Variants in LMO7 observed in about 807,000 individuals in gnomAD.
LMO7 encodes LIM domain 7.
In LMO7, 120 loss-of-function variants were observed where a neutral mutation model predicts 206.5. That is an observed-to-expected ratio of 0.58 (90% CI 0.50 to 0.68). The LOEUF is 0.68. Ranked by LOEUF, LMO7 falls within the 30% of genes least tolerant of loss-of-function variation. The pLI is 0.00. For missense variants in LMO7, 1,959 were observed against 1,957.9 expected (o/e 1.00, Z -0.01); for synonymous variants, 706 against 681.5 (o/e 1.04, Z -0.56).
At chr13:75,658,637 G>A (rs1419223871) in intron 1 of LMO7, among the ~76,000 whole-genome samples, 1 of 152,144 alleles carries the variant, frequency 6.6e-6, no homozygotes, top group Non-Finnish European at 1.5e-5. Flanking sequence ...AGGCTGGAGT[G>A]CAGTGGCGCG....
At chr13:75,626,060 A>G (rs542297932) in intron 2 of LMO7, among the ~76,000 whole-genome samples, 2 of 152,326 alleles carry the variant, frequency 1.3e-5, no homozygotes, top group Non-Finnish European at 2.9e-5. Context: ...GGCTCTTACA[A>G]TGGAGGCCCA....
At chr13:75,750,035 G>A (rs536532600) in intron 3 of LMO7, among the ~76,000 whole-genome samples, 16 of 151,602 alleles carry the variant, frequency 1.1e-4, no homozygotes, top group Admixed American at 2.0e-4. Context: ...CATAACAAGC[G>A]ATGATTATCC....
chr13:75,795,023 C>A (rs562791066), intron 4 of LMO7, among the ~76,000 whole-genome samples: 2 of 151,528 alleles, frequency 1.3e-5, no homozygotes, highest in Non-Finnish European at 2.9e-5. Flanking sequence ...TTTCCCAGTT[C>A]TTTTTTCATG....
chr13:75,784,217 AGGTTGAGAAACCTT>A (rs1225093959), intron 4 of LMO7, among the ~76,000 whole-genome samples: 2 of 152,170 alleles, frequency 1.3e-5, no homozygotes, highest in African/African-American at 4.8e-5. Flanking sequence ...AATATTGCCG[AGGTTGAGAAACCTT>A]GGTCTAAAAT....
intron 4 of LMO7, among the ~76,000 whole-genome samples, chr13:75,779,286 G>A (rs954715852): frequency 2.2e-4 from 33 of 152,118 alleles, no homozygotes; most frequent in African/African-American, 7.7e-4. Context: ...GAAGTTTCCT[G>A]GGAAGTATTA....
At chr13:75,795,229 A>T (rs1312233085) in intron 4 of LMO7, among the ~76,000 whole-genome samples, 172 bp from the exon 5 acceptor site, 1 of 152,218 alleles carries the variant, frequency 6.6e-6, no homozygotes, top group Non-Finnish European at 1.5e-5. Flanking sequence ...TGTCAAATCA[A>T]TGAATATGGA....
intron 4 of LMO7, among the ~76,000 whole-genome samples, chr13:75,787,857 T>A (rs1212750498): frequency 6.6e-6 from 1 of 152,208 alleles, no homozygotes; most frequent in African/African-American, 2.4e-5. Context: ...TGCAGCTTAC[T>A]TTTTTTGAGA....
chr13:75,811,391 G>A (rs2056382575), intron 11 of LMO7, among the ~76,000 whole-genome samples: 1 of 151,974 alleles, frequency 6.6e-6, no homozygotes, highest in South Asian at 2.1e-4. Context: ...AAAGAAAATA[G>A]AAATTTAAAT....
chr13:75,644,076 G>A (rs539232889), intron 1 of LMO7, among the ~76,000 whole-genome samples: 1 of 152,098 alleles, frequency 6.6e-6, no homozygotes, highest in African/African-American at 2.4e-5. Flanking sequence ...ATCTTTCTAT[G>A]AATATAGCAG....
rs539848577 is a variant in LMO7 at position 75,826,816 on chromosome 13, G to T, written c.2949+2943G>T. 3.9e-5 allele frequency among the ~76,000 whole-genome samples: 6 copies of T among 152,292 alleles called. 1 individual carries two copies. The highest frequency in any genetic ancestry group is 1.4e-4 in the African/African-American group (6 of 41,562). On this transcript the variant is annotated intron_variant, in intron 15 of 30. Transcript: ENST00000377534. Reference sequence around the variant, plus strand: ...TTTGAACCCAGGCAGTCTGACTCAAGATTTAGTATCATGTTATGCTATCAT... The same window carrying T: ...TTTGAACCCAGGCAGTCTGACTCAATATTTAGTATCATGTTATGCTATCAT...
chr13:75,662,598 C>T (rs969140356), intron 1 of LMO7, among the ~76,000 whole-genome samples: 21 of 152,180 alleles, frequency 1.4e-4, no homozygotes, highest in African/African-American at 3.4e-4. Context: ...GGATTACAGG[C>T]GTGAGCCACT....
intron 11 of LMO7, among the ~76,000 whole-genome samples, chr13:75,812,572 T>G (rs943614212): frequency 2.6e-5 from 4 of 152,090 alleles, no homozygotes; most frequent in African/African-American, 7.2e-5. Context: ...TTCCTGAAAG[T>G]GAGTTCTAAA....
At chr13:75,797,098 A>G (rs1238929512) in intron 6 of LMO7, among the ~76,000 whole-genome samples, 1 of 152,224 alleles carries the variant, frequency 6.6e-6, no homozygotes, top group Non-Finnish European at 1.5e-5. Flanking sequence ...AACCTGTAGT[A>G]GAGAGGTGCT....
intron 3 of LMO7, among the ~76,000 whole-genome samples, chr13:75,737,842 C>CAAAAAAAAA (rs768622923): frequency 5.0e-4 from 19 of 37,724 alleles, no homozygotes; most frequent in African/African-American, 2.2e-3. Flanking sequence ...AGGAAGCTGC[C>CAAAAAAAAA]AAAAAAAAAA....
rs1323547199 is a variant in LMO7 at position 75,730,481 on chromosome 13, T to G, written c.210+3383T>G. Among the ~76,000 whole-genome samples, 7 of 152,176 alleles carry G rather than the reference T, an allele frequency of 4.6e-5. No individual in the cohort carries two copies. The East Asian group carries it at 1.2e-3, about 25-fold the overall frequency. ...TGTGGGATCAGTGGTGATATCCCCTTTATCATTTTTTGTTGCGTCTATTTG... is the reference window on the plus strand; with the variant it reads ...TGTGGGATCAGTGGTGATATCCCCTGTATCATTTTTTGTTGCGTCTATTTG... On this transcript the variant is annotated intron_variant, in intron 3 of 30. Coordinates refer to ENST00000377534, the MANE Select transcript of LMO7 (RefSeq NM_001306080.2).
intron 1 of LMO7, 96 bp from the exon 2 acceptor site, chr13:75,713,086 T>C: frequency 1.3e-6 from 1 of 774,630 alleles, no homozygotes; most frequent in South Asian, 1.8e-5. Context: ...ATCCTTCAAG[T>C]ATAACATTAA....
chr13:75,674,907 A>C (rs979595629), intron 1 of LMO7, among the ~76,000 whole-genome samples: 1 of 152,192 alleles, frequency 6.6e-6, no homozygotes, highest in Non-Finnish European at 1.5e-5. Flanking sequence ...TTGTAAAGAA[A>C]ATACAAGTGA....
intron 14 of LMO7, among the ~76,000 whole-genome samples, chr13:75,822,313 A>G (rs1411576896): frequency 1.3e-5 from 2 of 152,166 alleles, no homozygotes; most frequent in Non-Finnish European, 2.9e-5. Context: ...GGGGTGAGAG[A>G]AGCTTACCTA....
At chr13:75,701,158 TTGACATGTAGTGACCTTTTTGCTTCTGGA>T (rs2042261625) in intron 1 of LMO7, among the ~76,000 whole-genome samples, 1 of 38,352 alleles carries the variant, frequency 2.6e-5, no homozygotes, top group African/African-American at 2.5e-4. Flanking sequence ...TTCTGGAAGG[TTGACATGTAGTGACCTTTTTGCTTCTGGA>T]AGGTTGACAG....
Sources: allele counts gnomAD v4.1 joint callset (sites outside exome capture counted in the v4.1 genomes callset), GRCh38; gene constraint gnomAD v4.1.1; transcripts MANE v1.5; gene names NCBI Gene and HGNC (gene_info 2026-07-23, HGNC 2026-07-21).